NPSR1: variants seen among roughly 807,000 people sequenced by gnomAD.
The protein encoded by NPSR1 is neuropeptide S receptor 1.
NPSR1 carries 48 observed loss-of-function variants against 46.9 expected under a neutral mutation model. The observed-to-expected ratio is 1.02, with a 90% CI of 0.81 to 1.30. NPSR1 has a LOEUF of 1.30. NPSR1 is among the 50% of genes most tolerant of loss of function. NPSR1 has a pLI of 0.00. For synonymous variants in NPSR1, 176 were observed against 168.1 expected (o/e 1.05, Z -0.36); for missense variants, 450 against 449.5 (o/e 1.00, Z -0.01).
At position 34,827,674 on chromosome 7, in the gene NPSR1, G is replaced by A. The variant is rs532670631; in HGVS notation, c.680+72G>A. ...GGGCTTTCCTGTTTCTCCAGCTGTT[G>A]CTCTCCTCCCCAACAGACCCATTTT... On this transcript the variant is annotated intron_variant, in intron 5 of 8. Coordinates refer to ENST00000360581, the MANE Select transcript of NPSR1 (RefSeq NM_207172.2). 2.8e-5 allele frequency: 27 copies of A among 956,812 alleles called. No homozygotes were observed. The South Asian group carries it at 3.7e-4, about 13-fold the overall frequency. 59.3% of individuals were successfully genotyped at this position (956,812 alleles called of 1,614,324 possible).
At chr7:34,807,420 GTTAC>G (rs1441438701) in intron 3 of NPSR1, among the ~76,000 whole-genome samples, 1 of 151,918 alleles carries the variant, frequency 6.6e-6, no homozygotes, top group Non-Finnish European at 1.5e-5. Flanking sequence ...TTAGCATTAT[GTTAC>G]TTGTTACATA....
chr7:34,670,021 A>C (rs1209126330), intron 1 of NPSR1, among the ~76,000 whole-genome samples: 1 of 152,246 alleles, frequency 6.6e-6, no homozygotes, highest in African/African-American at 2.4e-5. Context: ...TAGGATGATT[A>C]AATTTGGTGA....
At chr7:34,751,507 A>T (rs1285396931) in intron 2 of NPSR1, 1 of 1,449,856 alleles carries the variant, frequency 6.9e-7, no homozygotes, top group Non-Finnish European at 9.7e-7. Context: ...TGCCCCAACC[A>T]GCCCCAGCTC....
At chr7:34,679,978 A>T (rs1460705845) in intron 1 of NPSR1, among the ~76,000 whole-genome samples, 1 of 152,146 alleles carries the variant, frequency 6.6e-6, no homozygotes, top group Admixed American at 6.5e-5. Flanking sequence ...TAATTCATCA[A>T]CAGTATAAAA....
chr7:34,785,928 C>T (rs1293618168), intron 3 of NPSR1, among the ~76,000 whole-genome samples: 1 of 152,078 alleles, frequency 6.6e-6, no homozygotes, highest in Non-Finnish European at 1.5e-5. Context: ...CAAATATTGG[C>T]CTTTTTACTG....
intron 8 of NPSR1, among the ~76,000 whole-genome samples, chr7:34,875,845 G>A (rs1562782615): frequency 1.3e-5 from 2 of 152,070 alleles, no homozygotes; most frequent in Non-Finnish European, 2.9e-5. Flanking sequence ...ACCAGGAAAT[G>A]ATTAAGAGAC....
intron 2 of NPSR1, among the ~76,000 whole-genome samples, chr7:34,726,372 G>T (rs544927305): frequency 6.6e-6 from 1 of 152,298 alleles, no homozygotes; most frequent in South Asian, 2.1e-4. Context: ...AATGCTGGTG[G>T]GGCTGTGGAA....
intron 3 of NPSR1, among the ~76,000 whole-genome samples, chr7:34,798,065 A>G (rs1278614789): frequency 6.6e-6 from 1 of 152,198 alleles, no homozygotes; most frequent in African/African-American, 2.4e-5. Context: ...ATAAAATAAT[A>G]AGCACAAATC....
At position 34,834,468 on chromosome 7, in the gene NPSR1, T is replaced by C. The variant is rs1162080177; in HGVS notation, c.757+8T>C. The C allele has an allele frequency of 6.3e-7, 1 of 1,598,026 alleles. No individual in the cohort carries two copies. The highest frequency in any genetic ancestry group is 1.3e-5 in the African/African-American group (1 of 74,560). ...TGATTTCCAACTGCTCAGGTAAGTC[T>C]CTACTCTGCATGGCCCAATTCTTGG... is the stretch of plus-strand genomic sequence containing the variant. On this transcript the variant is annotated splice_region_variant and intron_variant, in intron 6 of 8. Coordinates refer to ENST00000360581, the MANE Select transcript of NPSR1 (RefSeq NM_207172.2).
chr7:34,663,625 C>G (rs924168099), intron 1 of NPSR1, among the ~76,000 whole-genome samples: 1 of 152,130 alleles, frequency 6.6e-6, no homozygotes, highest in Non-Finnish European at 1.5e-5. Context: ...AATCCAATAC[C>G]CTCTTGTCAT....
At chr7:34,851,798 T>C (rs1790940623), downstream of NPSR1, among the ~76,000 whole-genome samples, 1 of 152,226 alleles carries the variant, frequency 6.6e-6, no homozygotes, top group Non-Finnish European at 1.5e-5. Context: ...CGTTGTGATC[T>C]GTAGAAACTG....
intron 2 of NPSR1, among the ~76,000 whole-genome samples, chr7:34,737,674 G>A (rs1276809293): frequency 1.3e-5 from 2 of 152,086 alleles, no homozygotes; most frequent in African/African-American, 4.8e-5. Context: ...AACTCTCCTG[G>A]TCTGCTTCGA....
chr7:34,698,879 C>T (rs1793676919), intron 2 of NPSR1, among the ~76,000 whole-genome samples: 1 of 152,036 alleles, frequency 6.6e-6, no homozygotes, highest in African/African-American at 2.4e-5. Flanking sequence ...TTAAAGAAAT[C>T]TGAACTATTG....
At chr7:34,871,047 T>C (rs1028370814) in intron 8 of NPSR1, among the ~76,000 whole-genome samples, 1 of 151,750 alleles carries the variant, frequency 6.6e-6, no homozygotes, top group African/African-American at 2.4e-5. Context: ...ATTAGGCCAT[T>C]CTTGCATTGA....
chr7:34,687,162 T>A (rs1792978497), intron 2 of NPSR1, among the ~76,000 whole-genome samples: 1 of 151,976 alleles, frequency 6.6e-6, no homozygotes, highest in South Asian at 2.1e-4. Flanking sequence ...TCAGGCTTTT[T>A]TTTTTTTTAA....
intron 4 of NPSR1, among the ~76,000 whole-genome samples, chr7:34,815,000 C>T (rs1007068410): frequency 2.7e-4 from 41 of 152,260 alleles, no homozygotes; most frequent in East Asian, 7.7e-4. Flanking sequence ...AAAATCAGAG[C>T]GCCTCTTCTC....
At chr7:34,762,512 T>C (rs1315292351) in intron 2 of NPSR1, among the ~76,000 whole-genome samples, 1 of 152,198 alleles carries the variant, frequency 6.6e-6, no homozygotes, top group Non-Finnish European at 1.5e-5. Flanking sequence ...TCAAGACTTG[T>C]GCCATTTACA....
intron 2 of NPSR1, 142 bp downstream of exon 2, chr7:34,684,826 T>C: frequency 2.9e-6 from 2 of 688,730 alleles, no homozygotes; most frequent in Non-Finnish European, 4.6e-6. Flanking sequence ...ATAAAACCTA[T>C]ATTTGAATAT....
chr7:34,790,432 C>T (rs547297504), intron 3 of NPSR1, among the ~76,000 whole-genome samples: 1 of 151,970 alleles, frequency 6.6e-6, no homozygotes, highest in South Asian at 2.1e-4. Context: ...CAGTGGTAAA[C>T]TAAAAGCTTT....
Sources: allele counts gnomAD v4.1 joint callset (sites outside exome capture counted in the v4.1 genomes callset), GRCh38; gene constraint gnomAD v4.1.1; transcripts MANE v1.5; gene names NCBI Gene and HGNC (gene_info 2026-07-23, HGNC 2026-07-21).